Variants in ARHGAP26 observed in about 807,000 individuals in gnomAD.
ARHGAP26 encodes rho GTPase-activating protein 26.
Under a neutral mutation model 104.8 loss-of-function variants are expected in ARHGAP26, and 38 were observed. That is an observed-to-expected ratio of 0.36 (90% CI 0.28 to 0.48). The LOEUF is 0.48. Among genes scored for constraint, ARHGAP26 ranks in the 20% least tolerant of loss-of-function variants. The pLI is 0.99. For synonymous variants in ARHGAP26, 341 were observed against 340.0 expected (o/e 1.00, Z -0.03); for missense variants, 704 against 947.9 (o/e 0.74, Z 3.38).
At chr5:143,121,174 G>A (rs1796082780) in intron 18 of ARHGAP26, 27 bp downstream of exon 18, 5 of 1,603,536 alleles carry the variant, frequency 3.1e-6, no homozygotes, top group Non-Finnish European at 4.3e-6. Context: ...CACTTGCAGT[G>A]AAGAATGTAC....
chr5:142,777,647 G>A (rs897088464), intron 1 of ARHGAP26, among the ~76,000 whole-genome samples: 2 of 152,102 alleles, frequency 1.3e-5, no homozygotes, highest in Non-Finnish European at 2.9e-5. Flanking sequence ...CAGGAAATAC[G>A]GAGACCCTGC....
intron 1 of ARHGAP26, among the ~76,000 whole-genome samples, chr5:142,774,269 A>G (rs1355703683): frequency 1.3e-5 from 2 of 151,240 alleles, no homozygotes; most frequent in Non-Finnish European, 2.9e-5. Context: ...TATAGTTTTT[A>G]TATAACATTG....
intron 1 of ARHGAP26, among the ~76,000 whole-genome samples, chr5:142,840,484 G>T (rs1052646623): frequency 2.6e-5 from 4 of 152,204 alleles, no homozygotes; most frequent in African/African-American, 9.6e-5. Context: ...ATGTCTTAGG[G>T]GTTTGTGAAC....
intron 20 of ARHGAP26, among the ~76,000 whole-genome samples, chr5:143,197,869 G>T (rs75116629): frequency 6.6e-6 from 1 of 152,090 alleles, no homozygotes. Context: ...GTCTAGCACC[G>T]TGTATAAAAG....
intron 5 of ARHGAP26, among the ~76,000 whole-genome samples, chr5:142,886,574 G>GT (rs1757737388): frequency 6.6e-6 from 1 of 152,214 alleles, no homozygotes; most frequent in Admixed American, 6.5e-5. Flanking sequence ...TATTTGGTGT[G>GT]TGCTTTACAA....
At chr5:142,826,782 C>G (rs1230966322) in intron 1 of ARHGAP26, among the ~76,000 whole-genome samples, 7 of 152,136 alleles carry the variant, frequency 4.6e-5, no homozygotes, top group Admixed American at 3.3e-4. Flanking sequence ...CTCCACCAAG[C>G]CCTCCCACCT....
intron 20 of ARHGAP26, among the ~76,000 whole-genome samples, chr5:143,177,619 C>A (rs182267110): frequency 1.3e-5 from 2 of 152,304 alleles, no homozygotes; most frequent in Admixed American, 1.3e-4. Flanking sequence ...GCACTGCTGT[C>A]AGGAATAACA....
intron 17 of ARHGAP26, among the ~76,000 whole-genome samples, chr5:143,086,378 T>C (rs1034886146): frequency 5.3e-5 from 8 of 150,630 alleles, no homozygotes; most frequent in Non-Finnish European, 1.2e-4. Context: ...AAGCAACTTT[T>C]GCCAGCACAC....
intron 11 of ARHGAP26, among the ~76,000 whole-genome samples, chr5:142,998,260 G>C (rs1230410248): frequency 8.5e-5 from 13 of 152,160 alleles, no homozygotes; most frequent in Admixed American, 8.5e-4. Context: ...CAGGGCAGAG[G>C]AACCTGTGGA....
intron 8 of ARHGAP26, among the ~76,000 whole-genome samples, chr5:142,906,536 G>A (rs931997920): frequency 3.9e-5 from 6 of 152,020 alleles, no homozygotes; most frequent in South Asian, 2.1e-4. Flanking sequence ...CCATCCGTCC[G>A]TCCGTTATCC....
At chr5:143,203,908 G>A (rs6860834) in intron 20 of ARHGAP26, among the ~76,000 whole-genome samples, 15,544 of 151,894 alleles carry the variant, frequency 0.1, 2,694 homozygotes, top group African/African-American at 0.36. Flanking sequence ...TCACACACCG[G>A]GGCCTGTCAG....
chr5:142,815,794 C>T lies in ARHGAP26; in HGVS notation c.154+44879C>T, dbSNP rs914202935. ...CTGGTCCATCTGTGCTACTGCTGCT[C>T]TTTTCTTCTTATTTTTTTGAGACCA... On this transcript the variant is annotated intron_variant, in intron 1 of 22. Coordinates refer to ENST00000645722, the MANE Select transcript of ARHGAP26 (RefSeq NM_001135608.3). Among the ~76,000 whole-genome samples, 6 of 152,016 alleles carry T rather than the reference C, an allele frequency of 3.9e-5. No homozygotes were observed. The South Asian group carries it at 6.2e-4, about 16-fold the overall frequency.
chr5:143,125,080 T>C lies in ARHGAP26; in HGVS notation c.1698+3933T>C, dbSNP rs114155640. Reference sequence around the variant, plus strand: ...AGAACCAACTCATAAATATCTAAAATTGGAAAAACATTTTTAAGATTGGCA... The same window carrying C: ...AGAACCAACTCATAAATATCTAAAACTGGAAAAACATTTTTAAGATTGGCA... On this transcript the variant is annotated intron_variant, in intron 18 of 22. Transcript: ENST00000645722. Among the ~76,000 whole-genome samples the C allele has an allele frequency of 5.5e-3, 841 of 152,160 alleles. 7 individuals carry two copies. Among genetic ancestry groups the C allele is most frequent in the African/African-American group, 0.019 (803 of 41,514 alleles).
chr5:142,933,284 A>G (rs1482183026), intron 11 of ARHGAP26, among the ~76,000 whole-genome samples: 1 of 152,184 alleles, frequency 6.6e-6, no homozygotes, highest in Non-Finnish European at 1.5e-5. Flanking sequence ...TTTACATGTT[A>G]GGCACAGGAC....
At chr5:143,014,267 CT>C (rs1779290870) in intron 12 of ARHGAP26, 151 bp downstream of exon 12, 1 of 789,814 alleles carries the variant, frequency 1.3e-6, no homozygotes, top group African/African-American at 1.7e-5. Flanking sequence ...TCCACCCCAA[CT>C]TTCCGCCAGT....
chr5:142,906,027 C>T (rs1274126884), intron 8 of ARHGAP26, among the ~76,000 whole-genome samples: 1 of 152,160 alleles, frequency 6.6e-6, no homozygotes, highest in Non-Finnish European at 1.5e-5. Flanking sequence ...ATGACATTGA[C>T]ATTTTTGAAC....
intron 11 of ARHGAP26, among the ~76,000 whole-genome samples, chr5:142,943,582 A>G (rs1028097506): frequency 6.6e-6 from 1 of 152,176 alleles, no homozygotes; most frequent in Non-Finnish European, 1.5e-5. Flanking sequence ...CATCACATTA[A>G]TTATTAGGTT....
chr5:142,993,325 G>A (rs964595038), intron 11 of ARHGAP26, among the ~76,000 whole-genome samples: 93 of 151,786 alleles, frequency 6.1e-4, no homozygotes, highest in Middle Eastern at 3.4e-3. Flanking sequence ...GCCCGCCACC[G>A]CGCCCGGCTA....
rs146219226 is a variant in ARHGAP26, at chr5:143,136,953, T to G, written c.1837+2848T>G. Among the ~76,000 whole-genome samples, 309 of 152,340 alleles carry G rather than the reference T, an allele frequency of 2.0e-3. 4 individuals carry two copies. Among genetic ancestry groups the G allele is most frequent in the African/African-American group, 7.2e-3 (300 of 41,576 alleles). On this transcript the variant is annotated intron_variant, in intron 19 of 22. Transcript: ENST00000645722. ...AGGCCTCCTGACACACCTAGCTCAG[T>G]GCTTCCCAAATGCCAGTCATGTACA...
Sources: gnomAD v4.1 joint callset for allele counts (sites outside exome capture counted in the v4.1 genomes callset) on GRCh38, gnomAD v4.1.1 for gene constraint, MANE v1.5 for transcripts, NCBI Gene and HGNC (gene_info 2026-07-23, HGNC 2026-07-21) for gene names.